The following BMPR2 variants were observed in gnomAD, a reference collection of about 807,000 sequenced individuals.
BMPR2 encodes the protein bone morphogenetic protein receptor type-2.
In BMPR2, 29 loss-of-function variants were observed where a neutral mutation model predicts 100.8. The observed-to-expected ratio is 0.29, with a 90% CI of 0.21 to 0.39. The LOEUF is 0.39. BMPR2 is among the 10% of genes least tolerant of loss of function. BMPR2 has a pLI of 1.00. For synonymous variants in BMPR2, 382 were observed against 442.3 expected (o/e 0.86, Z 1.71); for missense variants, 1,011 against 1,274.5 (o/e 0.79, Z 3.15).
Position 202,503,003 on chromosome 2 carries a change from C to T in BMPR2, c.419-10716C>T, listed in dbSNP as rs1463814298. Among the ~76,000 whole-genome samples, 1 of 152,180 alleles carries T rather than the reference C, an allele frequency of 6.6e-6. No homozygotes were observed. The highest frequency in any genetic ancestry group is 1.5e-5 in the Non-Finnish European group (1 of 68,032). On this transcript the variant is annotated intron_variant, in intron 3 of 12. Coordinates refer to ENST00000374580, the MANE Select transcript of BMPR2 (RefSeq NM_001204.7). This position sits in a 1 kb window ranked among gnomAD's most constrained non-coding sequence, Gnocchi z 4.0. ...GCTACAGATGGTCTTACAAATGGAA[C>T]CCCAAATGAGTTCAACTAACAACTT...
Position 202,555,346 on chromosome 2 carries a change from A to G in BMPR2, c.1681A>G (p.Ser561Gly). 1 of 1,614,172 alleles carries G rather than the reference A, an allele frequency of 6.2e-7. No homozygotes were observed. Among genetic ancestry groups the G allele is most frequent in the Non-Finnish European group, 8.5e-7 (1 of 1,179,990 alleles). The change falls in exon 12 of 13, where the codon AGC becomes GGC. Residue 561 changes from serine to glycine, a missense_variant. This residue lies in a region of BMPR2 where 508 missense variants were observed against 552.0 expected (regional missense o/e 0.92). Coordinates refer to ENST00000374580, the MANE Select transcript of BMPR2 (RefSeq NM_001204.7). ...YIEDSIHHTD[S>G]IVKNISSEHS... ...TGAAGACTCTATCCATCATACTGAC[A>G]GCATCGTGAAGAATATTTCCTCTGA...
At chr2:202,517,084 A>G (rs565525588) in intron 5 of BMPR2, among the ~76,000 whole-genome samples, 1 of 152,004 alleles carries the variant, frequency 6.6e-6, no homozygotes, top group African/African-American at 2.4e-5. Context: ...GCTGGGTATC[A>G]TGGCACGCGC....
intron 7 of BMPR2, among the ~76,000 whole-genome samples, chr2:202,528,210 TG>T (rs902600877): frequency 1.2e-4 from 19 of 152,266 alleles, no homozygotes; most frequent in African/African-American, 4.6e-4. Flanking sequence ...ACTTTTGAGA[TG>T]GAGTCTCGCT....
At chr2:202,485,820 C>T (rs754151796) in intron 3 of BMPR2, among the ~76,000 whole-genome samples, 3 of 151,908 alleles carry the variant, frequency 2.0e-5, no homozygotes, top group Admixed American at 6.6e-5. Flanking sequence ...GCTGAGATTA[C>T]GGGCATGAGC....
Position 202,389,727 on chromosome 2 carries a change from C to T in BMPR2, c.76+12177C>T, listed in dbSNP as rs140559226. Among the ~76,000 whole-genome samples, 833 of 151,184 alleles carry T rather than the reference C, an allele frequency of 5.5e-3. 2 individuals are homozygous for T. Among genetic ancestry groups the T allele is most frequent in the Non-Finnish European group, 8.4e-3 (569 of 67,766 alleles). The stretch of plus-strand genomic sequence containing the variant: ...CTCGATCTTGGCTCACCGCAACCTC[C>T]GCCTCCTGGGTTCAAGTGATTCTCC... On this transcript the variant is annotated intron_variant, in intron 1 of 12. Transcript: ENST00000374580.
At chr2:202,488,142 A>G (rs979013401) in intron 3 of BMPR2, among the ~76,000 whole-genome samples, 4 of 152,210 alleles carry the variant, frequency 2.6e-5, no homozygotes, top group Non-Finnish European at 5.9e-5. Context: ...TATTGGCAAT[A>G]AAGAGGTGAA....
chr2:202,471,097 A>G (rs1175426921), intron 3 of BMPR2, among the ~76,000 whole-genome samples: 1 of 152,136 alleles, frequency 6.6e-6, no homozygotes, highest in Non-Finnish European at 1.5e-5. Flanking sequence ...AAAGTACCTA[A>G]AAATATCATG....
chr2:202,538,915 A>T, intron 9 of BMPR2, among the ~76,000 whole-genome samples: 1 of 152,296 alleles, frequency 6.6e-6, no homozygotes, highest in African/African-American at 2.4e-5. Flanking sequence ...ACAATTAAAA[A>T]TAATAAATAA....
rs375624016 is a variant in BMPR2 at position 202,376,511 on chromosome 2, A to AGGCGGCGGCGGCGGCGGCGGCGGCGGC, written c.-954_-928dup. On this transcript the variant is annotated 5_prime_UTR_variant, in exon 1 of 13. Transcript: ENST00000374580. ...AGGAGCCCAGAGCTGCGGGAGAACG[A>AGGCGGCGGCGGCGGCGGCGGCGGCGGC]GGCGGCGGCGGCGGCGGCGGCGGCG... Among the ~76,000 whole-genome samples, 6 of 125,760 alleles carry AGGCGGCGGCGGCGGCGGCGGCGGCGGC rather than the reference A, an allele frequency of 4.8e-5. No individual in the cohort carries two copies. Among genetic ancestry groups the AGGCGGCGGCGGCGGCGGCGGCGGCGGC allele is most frequent in the Non-Finnish European group, 8.5e-5 (5 of 58,928 alleles). 82.5% of individuals were successfully genotyped at this position (125,760 alleles called of 152,430 possible). A position where few individuals can be genotyped will look rare whatever the true frequency, so the allele number is the denominator to read the frequency against.
intron 3 of BMPR2, among the ~76,000 whole-genome samples, chr2:202,487,788 G>A (rs1192430268): frequency 6.6e-6 from 1 of 152,192 alleles, no homozygotes; most frequent in African/African-American, 2.4e-5. Flanking sequence ...GCATTAATCA[G>A]TATCAGTTTG....
intron 3 of BMPR2, among the ~76,000 whole-genome samples, chr2:202,482,628 TC>T (rs1202056989): frequency 6.7e-6 from 1 of 149,890 alleles, no homozygotes; most frequent in African/African-American, 2.5e-5. Context: ...AACCTCCGCC[TC>T]CCAGGTTCAA....
chr2:202,477,954 G>C (rs1175896705), intron 3 of BMPR2, among the ~76,000 whole-genome samples: 1 of 152,046 alleles, frequency 6.6e-6, no homozygotes, highest in Non-Finnish European at 1.5e-5. Context: ...CCTTTTACTT[G>C]CTAAAATGTA....
At chr2:202,394,800 GGTTAAATAAATCATCCAGA>G (rs1690626091) in intron 1 of BMPR2, among the ~76,000 whole-genome samples, 1 of 151,914 alleles carries the variant, frequency 6.6e-6, no homozygotes, top group Admixed American at 6.6e-5. Flanking sequence ...GGCACAGAGA[GGTTAAATAAATCATCCAGA>G]GTCTAGAAAG....
chr2:202,457,878 C>T (rs1211848963), intron 1 of BMPR2, among the ~76,000 whole-genome samples: 3 of 152,012 alleles, frequency 2.0e-5, no homozygotes, highest in East Asian at 1.9e-4. Flanking sequence ...GACAGGCACA[C>T]GCCACCACGC....
At chr2:202,450,440 C>G (rs559715942) in intron 1 of BMPR2, among the ~76,000 whole-genome samples, 1 of 152,002 alleles carries the variant, frequency 6.6e-6, no homozygotes, top group East Asian at 1.9e-4. Flanking sequence ...GCTTGTAATC[C>G]CAGCACTTTG....
chr2:202,437,937 A>G (rs12693969), intron 1 of BMPR2, among the ~76,000 whole-genome samples: 73,050 of 149,778 alleles, frequency 0.49, 19,201 homozygotes, highest in African/African-American at 0.56. Context: ...TAACGTACAA[A>G]TTTTTTTTTG....
intron 3 of BMPR2, 130 bp downstream of exon 3, chr2:202,467,819 G>A: frequency 1.1e-6 from 1 of 949,910 alleles, no homozygotes; most frequent in South Asian, 1.4e-5. Context: ...AGCACTTTGG[G>A]AGGCCGAGGT....
chr2:202,382,414 C>T (rs144942499), intron 1 of BMPR2, among the ~76,000 whole-genome samples: 14,969 of 152,080 alleles, frequency 0.098, 980 homozygotes, highest in South Asian at 0.25. Flanking sequence ...TGGTCTCAAA[C>T]TCCTTACCTC....
At chr2:202,434,776 C>G (rs886111138) in intron 1 of BMPR2, among the ~76,000 whole-genome samples, 2 of 145,320 alleles carry the variant, frequency 1.4e-5, no homozygotes, top group Non-Finnish European at 1.5e-5. Flanking sequence ...AGGTGTGCCA[C>G]CATGCCTGGC....
Sources: gnomAD v4.1 joint callset for allele counts (sites outside exome capture counted in the v4.1 genomes callset) on GRCh38, gnomAD v4.1.1 for gene constraint, gnomAD v4.1.1 regional missense constraint, Gnocchi (gnomAD v3.1) non-coding constraint, MANE v1.5 for transcripts, NCBI Gene and HGNC (gene_info 2026-07-23, HGNC 2026-07-21) for gene names.